The following STAU2 variants were observed in gnomAD, a reference collection of about 807,000 sequenced individuals.
STAU2 encodes the protein staufen double-stranded RNA binding protein 2, also known as double-stranded RNA-binding protein Staufen homolog 2.
In STAU2, 20 loss-of-function variants were observed where a neutral mutation model predicts 65.9. The observed-to-expected ratio is 0.30, with a 90% CI of 0.21 to 0.44. The LOEUF (loss-of-function observed/expected upper bound fraction) is 0.44. Ranked by LOEUF, STAU2 falls within the 20% of genes least tolerant of loss-of-function variation. STAU2 has a pLI of 1.00. For synonymous variants in STAU2, 232 were observed against 233.9 expected (o/e 0.99, Z 0.07); for missense variants, 558 against 683.9 (o/e 0.82, Z 2.05).
chr8:73,526,878 T>C (rs1301593677), intron 13 of STAU2, among the ~76,000 whole-genome samples: 1 of 152,212 alleles, frequency 6.6e-6, no homozygotes, highest in Non-Finnish European at 1.5e-5. Flanking sequence ...CCTTTAAAAG[T>C]AAAAACAATA....
chr8:73,615,606 A>T, intron 8 of STAU2, 69 bp downstream of exon 8: 1 of 1,187,144 alleles, frequency 8.4e-7, no homozygotes, highest in Middle Eastern at 1.9e-4. Flanking sequence ...TACACCAGTT[A>T]ATTTGATTTG....
At chr8:73,595,899 G>T (rs974413308) in intron 10 of STAU2, among the ~76,000 whole-genome samples, 4 of 152,188 alleles carry the variant, frequency 2.6e-5, no homozygotes, top group African/African-American at 9.6e-5. Flanking sequence ...GGATCACAAG[G>T]TCAGGAGTTT....
At chr8:73,459,619 C>G (rs560217173) in intron 13 of STAU2, among the ~76,000 whole-genome samples, 1 of 152,060 alleles carries the variant, frequency 6.6e-6, no homozygotes, top group Non-Finnish European at 1.5e-5. Context: ...CAACCAGCAG[C>G]CCTACCATGT....
Position 73,421,336 on chromosome 8 carries a change from T to C in STAU2, c.*36A>G. The C allele has an allele frequency of 6.6e-7, 1 of 1,524,762 alleles. No individual in the cohort carries two copies. Among genetic ancestry groups the C allele is most frequent in the Non-Finnish European group, 8.8e-7 (1 of 1,135,662 alleles). The allele number at this position is 1,524,762 out of a possible 1,614,324, so 94.5% of individuals were successfully genotyped here. On this transcript the variant is annotated 3_prime_UTR_variant, in exon 15 of 15. Transcript: ENST00000524300. ...ACCCTCATGCGTGCTGACAGGTTTA[T>C]AAGGATGCGGTGGCAGCCGCGGGTT... is the stretch of plus-strand genomic sequence containing the variant.
At chr8:73,587,092 A>C (rs1247732790) in intron 11 of STAU2, among the ~76,000 whole-genome samples, 2 of 152,194 alleles carry the variant, frequency 1.3e-5, no homozygotes, top group Admixed American at 1.3e-4. Flanking sequence ...AGGGAAGAGA[A>C]GGGTAAAAGT....
rs188454650 is a variant in STAU2 at position 73,422,819 on chromosome 8, G to A, written c.1531-117C>T. On this transcript the variant is annotated intron_variant, in intron 13 of 14. Coordinates refer to ENST00000524300, the MANE Select transcript of STAU2 (RefSeq NM_001164380.2). ...TCATTAGTCTACATAATTTTTTTTT[G>A]CATTGTTTAACAAAAGTACACTAGA... The A allele has an allele frequency of 2.2e-5, 15 of 686,356 alleles. No homozygotes were observed. In the East Asian group the frequency reaches 2.3e-4, roughly 10 times the overall value. The allele number at this position is 686,356 out of a possible 1,614,324, so 42.5% of individuals were successfully genotyped here. A position where few individuals can be genotyped will look rare whatever the true frequency, so the allele number is the denominator to read the frequency against.
intron 6 of STAU2, among the ~76,000 whole-genome samples, chr8:73,645,051 G>T (rs1815268176): frequency 6.6e-6 from 1 of 152,120 alleles, no homozygotes. Context: ...CCAGAAAACA[G>T]AAGAGGAGAG....
chr8:73,509,634 G>A (rs138805616), intron 13 of STAU2, among the ~76,000 whole-genome samples: 1 of 152,058 alleles, frequency 6.6e-6, no homozygotes, highest in East Asian at 1.9e-4. Context: ...ATATTAAAAA[G>A]GGTGATTACT....
intron 6 of STAU2, among the ~76,000 whole-genome samples, chr8:73,647,173 T>C (rs1815452397): frequency 1.3e-5 from 2 of 152,198 alleles, no homozygotes; most frequent in African/African-American, 4.8e-5. Flanking sequence ...AGTGTAGCAG[T>C]TTCCTAGAAC....
chr8:73,604,404 A>AT (rs1811862818), intron 9 of STAU2, among the ~76,000 whole-genome samples: 1 of 151,774 alleles, frequency 6.6e-6, no homozygotes, highest in Non-Finnish European at 1.5e-5. Flanking sequence ...TAATTTTTAT[A>AT]TTTTTAGTAG....
intron 1 of STAU2, 120 bp from the exon 2 acceptor site, chr8:73,739,988 G>A: frequency 1.6e-6 from 1 of 608,824 alleles, no homozygotes; most frequent in Non-Finnish European, 2.9e-6. Flanking sequence ...CCAAACTGTG[G>A]TGCCCTTTGG....
intron 6 of STAU2, among the ~76,000 whole-genome samples, chr8:73,637,916 T>C (rs1479721664): frequency 6.6e-6 from 1 of 151,996 alleles, no homozygotes; most frequent in Non-Finnish European, 1.5e-5. Flanking sequence ...TAGACCTATA[T>C]GGTTGCAGGG....
intron 6 of STAU2, among the ~76,000 whole-genome samples, chr8:73,669,854 T>G (rs1817542865): frequency 6.6e-6 from 1 of 152,156 alleles, no homozygotes; most frequent in Non-Finnish European, 1.5e-5. Flanking sequence ...GTAATAAATT[T>G]AGAAGTAATA....
chr8:73,643,082 T>C (rs1815115425), intron 6 of STAU2, among the ~76,000 whole-genome samples: 2 of 152,190 alleles, frequency 1.3e-5, no homozygotes, highest in Admixed American at 1.3e-4. Flanking sequence ...CTTACAGACA[T>C]GTCTATCCCC....
chr8:73,550,139 A>G, intron 13 of STAU2: 1 of 985,400 alleles, frequency 1.0e-6, no homozygotes, highest in African/African-American at 1.7e-5. Context: ...CATTCAACCA[A>G]AGAAGCACAG....
intron 13 of STAU2, among the ~76,000 whole-genome samples, chr8:73,471,173 C>CT (rs35701266): frequency 0.4 from 49,421 of 124,824 alleles, 10,861 homozygotes; most frequent in Non-Finnish European, 0.44. Context: ...CTAATTCTCT[C>CT]TTTTTTTTTT....
intron 5 of STAU2, among the ~76,000 whole-genome samples, chr8:73,674,437 G>A (rs1486179355): frequency 6.6e-6 from 1 of 151,840 alleles, no homozygotes; most frequent in East Asian, 1.9e-4. Flanking sequence ...CAAGTAATAT[G>A]CTTTTACTTA....
At chr8:73,482,124 A>T (rs1038906409) in intron 13 of STAU2, among the ~76,000 whole-genome samples, 1 of 152,042 alleles carries the variant, frequency 6.6e-6, no homozygotes, top group Non-Finnish European at 1.5e-5. Context: ...CTATTATCTC[A>T]TCTAATCCCC....
chr8:73,691,448 C>T (rs1480832479), intron 4 of STAU2, among the ~76,000 whole-genome samples: 2 of 152,066 alleles, frequency 1.3e-5, no homozygotes, highest in African/African-American at 4.8e-5. Context: ...TCTTTCCTGC[C>T]TCCTAATCAT....
Sources: gnomAD v4.1 joint callset for allele counts (sites outside exome capture counted in the v4.1 genomes callset) on GRCh38, gnomAD v4.1.1 for gene constraint, MANE v1.5 for transcripts, NCBI Gene and HGNC (gene_info 2026-07-23, HGNC 2026-07-21) for gene names.